Variants in ZNF644 observed in about 807,000 individuals in gnomAD.
ZNF644 encodes zinc finger motif enhancer binding protein 2.
Under a neutral mutation model 108.0 loss-of-function variants are expected in ZNF644, and 20 were observed. The observed-to-expected ratio is 0.19, with a 90% confidence interval of 0.13 to 0.27. ZNF644 has a LOEUF of 0.27. Among genes scored for constraint, ZNF644 ranks in the 10% least tolerant of loss-of-function variants. The probability of loss-of-function intolerance (pLI) is 1.00; values close to 1 mark genes in which losing one functional copy is unlikely to be tolerated. For missense variants in ZNF644, 1,338 were observed against 1,548.9 expected, an observed-to-expected ratio of 0.86 and a Z score of 2.29; for synonymous variants, 542 against 539.1, an observed-to-expected ratio of 1.01 and a Z score of -0.08.
chr1:90,960,239 G>A (rs1242416944), intron 2 of ZNF644, among the ~76,000 whole-genome samples: 28 of 152,108 alleles, frequency 1.8e-4, no homozygotes, highest in Admixed American at 1.8e-3. Flanking sequence ...AGGTTGCTAA[G>A]ATCTACGTAA....
At chr1:91,008,517 C>A (rs891629095) in intron 1 of ZNF644, among the ~76,000 whole-genome samples, 2 of 152,204 alleles carry the variant, frequency 1.3e-5, no homozygotes, top group Non-Finnish European at 2.9e-5. Flanking sequence ...CAATTCAGAG[C>A]AGCGTTTTCA....
intron 1 of ZNF644, among the ~76,000 whole-genome samples, chr1:90,985,153 A>G (rs1465518436): frequency 6.6e-6 from 1 of 152,168 alleles, no homozygotes; most frequent in South Asian, 2.1e-4. Flanking sequence ...CACATTTTAG[A>G]CACTTTATTT....
chr1:90,977,934 T>C (rs1656167855), intron 2 of ZNF644, among the ~76,000 whole-genome samples: 1 of 152,344 alleles, frequency 6.6e-6, no homozygotes, highest in East Asian at 1.9e-4. Flanking sequence ...CCAGCTATTT[T>C]TGGTAACTTA....
chr1:90,978,698 C>T (rs1191548556), intron 2 of ZNF644, among the ~76,000 whole-genome samples: 1 of 152,126 alleles, frequency 6.6e-6, no homozygotes, highest in Non-Finnish European at 1.5e-5. Context: ...AACGGAGGTA[C>T]AGCTAGCAGC....
At chr1:91,019,023 A>T (rs1487620127) in intron 1 of ZNF644, among the ~76,000 whole-genome samples, 1 of 152,246 alleles carries the variant, frequency 6.6e-6, no homozygotes, top group Admixed American at 6.5e-5. Flanking sequence ...ACAGCTTATC[A>T]ACTAACAAAA....
Position 90,937,822 on chromosome 1 carries a change from A to C in ZNF644, c.3351T>G (p.Phe1117Leu). The change falls in exon 4 of 6, where the codon TTT (phenylalanine) becomes TTG (leucine). Residue 1117 changes from phenylalanine (F) to leucine (L), a missense_variant. Physicochemically the swap from Phe to Leu is conservative, Grantham distance 22. Around this residue, in one of 6 missense-constraint regions of ZNF644, gnomAD observed 287 missense variants for 310.9 expected, o/e 0.92. Coordinates refer to ENST00000337393, the MANE Select transcript of ZNF644 (RefSeq NM_201269.3). ...CAAGAGGTATAACATTTTGAGATAT[A>C]AAGTCATCACTTGATGCAAGTTTTT... ...VAQKLASSDD[F>L]ISQNVIPLEA... is the part of the protein sequence containing the mutation. 6.2e-7 allele frequency: 1 copy of C among 1,613,950 alleles called. No individual in the cohort carries two copies. Among genetic ancestry groups the C allele is most frequent in the Non-Finnish European group, 8.5e-7 (1 of 1,179,898 alleles).
intron 2 of ZNF644, among the ~76,000 whole-genome samples, chr1:90,970,763 T>C (rs947171593): frequency 5.9e-5 from 9 of 151,946 alleles, no homozygotes; most frequent in Non-Finnish European, 1.3e-4. Flanking sequence ...AAAAAATATA[T>C]GGCTGAGGAG....
chr1:90,935,347 G>A (rs1159084042), intron 4 of ZNF644: 1 of 984,640 alleles, frequency 1.0e-6, no homozygotes, highest in East Asian at 1.1e-4. Context: ...CACCAGTCTG[G>A]TGGGGAAAAA....
intron 2 of ZNF644, among the ~76,000 whole-genome samples, chr1:90,959,204 A>C (rs1339353422): frequency 6.6e-6 from 1 of 152,192 alleles, no homozygotes; most frequent in Non-Finnish European, 1.5e-5. Context: ...TACTACAATA[A>C]TACCACTTCA....
At chr1:90,923,493 T>C (rs376125349) in intron 4 of ZNF644, among the ~76,000 whole-genome samples, 27 of 152,278 alleles carry the variant, frequency 1.8e-4, no homozygotes, top group African/African-American at 6.5e-4. Context: ...GTAGTTTACA[T>C]TATAAAAAGC....
At chr1:91,007,220 ATTTTG>A (rs1364077679) in intron 1 of ZNF644, among the ~76,000 whole-genome samples, 513 of 30,188 alleles carry the variant, frequency 0.017, 12 homozygotes, top group Non-Finnish European at 0.026. Flanking sequence ...ATTTTCTCCC[ATTTTG>A]TTTTTTTTTT....
chr1:90,979,449 G>A (rs906345735), intron 2 of ZNF644, among the ~76,000 whole-genome samples: 1 of 151,864 alleles, frequency 6.6e-6, no homozygotes, highest in African/African-American at 2.4e-5. Flanking sequence ...TTCCCACCTG[G>A]GCAACAAGAG....
intron 2 of ZNF644, among the ~76,000 whole-genome samples, chr1:90,941,676 G>A (rs983050034): frequency 2.0e-5 from 3 of 152,052 alleles, no homozygotes; most frequent in South Asian, 2.1e-4. Context: ...TAAACCTCAC[G>A]TGGAGATTGC....
At chr1:91,007,227 T>G (rs959374965) in intron 1 of ZNF644, among the ~76,000 whole-genome samples, 14 of 66,552 alleles carry the variant, frequency 2.1e-4, no homozygotes, top group African/African-American at 6.3e-4. Flanking sequence ...CCCATTTTGT[T>G]TTTTTTTTTT....
intron 1 of ZNF644, among the ~76,000 whole-genome samples, chr1:90,984,697 T>TG (rs1656917929): frequency 2.0e-5 from 3 of 152,184 alleles, no homozygotes; most frequent in African/African-American, 7.2e-5. Context: ...CCAGCCTGAC[T>TG]GGTATCATTC....
At chr1:91,017,184 T>C (rs186912135) in intron 1 of ZNF644, among the ~76,000 whole-genome samples, 6 of 152,320 alleles carry the variant, frequency 3.9e-5, no homozygotes, top group Non-Finnish European at 7.3e-5. Context: ...AAGATACACA[T>C]ACCAAAAGGC....
chr1:90,962,358 T>C (rs757924198), intron 2 of ZNF644, among the ~76,000 whole-genome samples: 3 of 151,936 alleles, frequency 2.0e-5, no homozygotes, highest in South Asian at 2.1e-4. Flanking sequence ...CCCATATGTA[T>C]ATGGTCACTT....
intron 4 of ZNF644, among the ~76,000 whole-genome samples, chr1:90,921,349 T>C (rs1223826158): frequency 6.6e-6 from 1 of 152,102 alleles, no homozygotes; most frequent in African/African-American, 2.4e-5. Flanking sequence ...AATAGATAAC[T>C]GTTACACAAA....
chr1:90,927,449 T>C (rs1650175982), intron 4 of ZNF644, among the ~76,000 whole-genome samples: 1 of 152,112 alleles, frequency 6.6e-6, no homozygotes, highest in Non-Finnish European at 1.5e-5. Flanking sequence ...TTACCCAAAA[T>C]ACTCGATTAA....
Sources: allele counts gnomAD v4.1 joint callset (sites outside exome capture counted in the v4.1 genomes callset), GRCh38; gene constraint gnomAD v4.1.1; regional missense constraint gnomAD v4.1.1; transcripts MANE v1.5; gene names NCBI Gene and HGNC (gene_info 2026-07-23, HGNC 2026-07-21).